Variants in PLXNA4 observed in about 807,000 individuals in gnomAD.
PLXNA4 encodes plexin A4, also known as plexin-A4.
Under a neutral mutation model 191.8 loss-of-function variants are expected in PLXNA4, and 44 were observed. The observed-to-expected ratio is 0.23, with a 90% CI of 0.18 to 0.29. PLXNA4 has a LOEUF of 0.29. Ranked by LOEUF, PLXNA4 falls within the 10% of genes least tolerant of loss-of-function variation. The pLI, the probability that PLXNA4 is intolerant of heterozygous loss-of-function variation, is 1.00. For synonymous variants in PLXNA4, 1,082 were observed against 1,009.5 expected, an observed-to-expected ratio of 1.07 and a Z score of -1.36; for missense variants, 1,800 against 2,488.8, an observed-to-expected ratio of 0.72 and a Z score of 5.89.
intron 18 of PLXNA4, 118 bp from the exon 19 acceptor site, chr7:132,180,850 C>A: frequency 6.8e-7 from 1 of 1,469,820 alleles, no homozygotes; most frequent in African/African-American, 1.4e-5. Context: ...GAAGAAGCCA[C>A]CTTTGGTAAT....
chr7:132,194,318 C>A, intron 13 of PLXNA4, 139 bp from the exon 14 acceptor site: 1 of 1,350,500 alleles, frequency 7.4e-7, no homozygotes, highest in Non-Finnish European at 1.0e-6. Flanking sequence ...GGAAGATATC[C>A]TAATTCCTCC....
At chr7:132,606,470 C>T (rs1304051094) in intron 2 of PLXNA4, among the ~76,000 whole-genome samples, 4 of 152,202 alleles carry the variant, frequency 2.6e-5, no homozygotes, top group Non-Finnish European at 4.4e-5. Context: ...AGTGTGTAAG[C>T]ACACGTTCTA....
intron 2 of PLXNA4, among the ~76,000 whole-genome samples, chr7:132,601,234 T>G (rs774830861): frequency 2.0e-4 from 31 of 151,984 alleles, no homozygotes; most frequent in Non-Finnish European, 4.1e-4. Context: ...AATACATATC[T>G]ATTTAAAGAA....
chr7:132,469,798 A>G (rs1356566543), intron 3 of PLXNA4, among the ~76,000 whole-genome samples: 1 of 152,244 alleles, frequency 6.6e-6, no homozygotes, highest in Non-Finnish European at 1.5e-5. Flanking sequence ...GCTCAACAGT[A>G]ACTGTTAAGC....
chr7:132,315,158 G>C (rs1446003290), intron 3 of PLXNA4, among the ~76,000 whole-genome samples: 1 of 152,146 alleles, frequency 6.6e-6, no homozygotes, highest in Non-Finnish European at 1.5e-5. Context: ...CTGCTACTGG[G>C]GCCTGGGAAA....
intron 1 of PLXNA4, among the ~76,000 whole-genome samples, chr7:132,569,277 G>A (rs1453332562): frequency 6.6e-6 from 1 of 152,188 alleles, no homozygotes; most frequent in Non-Finnish European, 1.5e-5. Flanking sequence ...TACACTATTT[G>A]TTCTCCTTCC....
intron 20 of PLXNA4, among the ~76,000 whole-genome samples, chr7:132,178,355 G>A (rs1194041333): frequency 1.3e-5 from 2 of 152,224 alleles, no homozygotes; most frequent in Non-Finnish European, 1.5e-5. Flanking sequence ...AGCTCCCCTC[G>A]GCTGCCCCCT....
At chr7:132,513,989 A>G (rs1798839686) in intron 1 of PLXNA4, among the ~76,000 whole-genome samples, 1 of 148,308 alleles carries the variant, frequency 6.7e-6, no homozygotes, top group Non-Finnish European at 1.5e-5. Context: ...TACTCTTCTT[A>G]ATGAAATAAA....
chr7:132,547,827 T>C (rs1051362277), intron 1 of PLXNA4, among the ~76,000 whole-genome samples: 1 of 152,092 alleles, frequency 6.6e-6, no homozygotes, highest in Non-Finnish European at 1.5e-5. Context: ...CACTCTGTAT[T>C]TCAGCTTCAC....
intron 3 of PLXNA4, among the ~76,000 whole-genome samples, chr7:132,410,477 G>C (rs1000946233): frequency 2.0e-5 from 3 of 152,168 alleles, no homozygotes; most frequent in Admixed American, 1.3e-4. Context: ...CCCTCCACAG[G>C]GATAACCGTT....
chr7:132,360,016 A>C (rs1348625297), intron 3 of PLXNA4, among the ~76,000 whole-genome samples: 1 of 152,218 alleles, frequency 6.6e-6, no homozygotes, highest in Non-Finnish European at 1.5e-5. Context: ...ATTGCTATTG[A>C]GTTCTCATTT....
At position 132,198,463 on chromosome 7, in the gene PLXNA4, T is replaced by C. The variant is rs181935493; in HGVS notation, c.2738+22A>G. On this transcript the variant is annotated intron_variant, in intron 13 of 31. Coordinates refer to ENST00000321063, the MANE Select transcript of PLXNA4 (RefSeq NM_020911.2). Reference sequence around the variant, plus strand: ...CGTCTTCCCTCCCCTGTTCCTCCTGTGTTGCATGCAGCTTCACTTACTGTT... The same window carrying C: ...CGTCTTCCCTCCCCTGTTCCTCCTGCGTTGCATGCAGCTTCACTTACTGTT... The C allele has an allele frequency of 4.8e-4, 779 of 1,611,696 alleles. 2 individuals are homozygous for C. The Middle Eastern group carries it at 7.5e-3, about 16-fold the overall frequency.
intron 3 of PLXNA4, among the ~76,000 whole-genome samples, chr7:132,471,113 T>G (rs1229096575): frequency 1.3e-5 from 2 of 152,028 alleles, no homozygotes; most frequent in East Asian, 3.9e-4. Flanking sequence ...CTCTCGAGAT[T>G]TTGTTGTTTA....
chr7:132,133,378 C>T (rs1795024934), intron 30 of PLXNA4, among the ~76,000 whole-genome samples, 179 bp from the exon 31 acceptor site: 2 of 152,060 alleles, frequency 1.3e-5, no homozygotes, highest in Non-Finnish European at 2.9e-5. Flanking sequence ...TTGCTGGGTC[C>T]GAACCAGGAA....
chr7:132,599,303 A>G (rs918669699), intron 2 of PLXNA4, among the ~76,000 whole-genome samples: 1 of 152,210 alleles, frequency 6.6e-6, no homozygotes, highest in African/African-American at 2.4e-5. Context: ...AAGGTGCAAC[A>G]CACATATTGG....
chr7:132,474,519 T>C, intron 3 of PLXNA4, among the ~76,000 whole-genome samples: 1 of 152,006 alleles, frequency 6.6e-6, no homozygotes, highest in Middle Eastern at 3.2e-3. Context: ...ACCGCACATG[T>C]TACAGGGACT....
intron 5 of PLXNA4, among the ~76,000 whole-genome samples, chr7:132,229,311 C>T (rs1364076800): frequency 6.6e-6 from 1 of 152,146 alleles, no homozygotes; most frequent in Non-Finnish European, 1.5e-5. Context: ...TCCAGTGTGA[C>T]CTGGGATCTT....
intron 3 of PLXNA4, among the ~76,000 whole-genome samples, chr7:132,379,286 A>T (rs906309361): frequency 7.9e-5 from 12 of 152,198 alleles, no homozygotes; most frequent in Non-Finnish European, 1.6e-4. Context: ...GGGAATGGGT[A>T]CATTAGCATC....
rs1466928407 is a variant in PLXNA4 at position 132,215,163 on chromosome 7, T to C, written c.2098-4020A>G. Among the ~76,000 whole-genome samples, 3 of 152,138 alleles carry C rather than the reference T, an allele frequency of 2.0e-5. No homozygotes were observed. The East Asian group carries it at 5.8e-4, about 29-fold the overall frequency. On this transcript the variant is annotated intron_variant, in intron 9 of 31. Transcript: ENST00000321063. ...CATCTTAGGATAACTCTGCCTAACT[T>C]AAATAGCTCTAAGTGTCCCAAACAC... is the stretch of plus-strand genomic sequence containing the variant.
Sources: gnomAD v4.1 joint callset for allele counts (sites outside exome capture counted in the v4.1 genomes callset) on GRCh38, gnomAD v4.1.1 for gene constraint, MANE v1.5 for transcripts, NCBI Gene and HGNC (gene_info 2026-07-23, HGNC 2026-07-21) for gene names.